The following MTO1 variants were observed in gnomAD, a reference collection of about 807,000 sequenced individuals.
MTO1 encodes the protein 5-taurinomethyluridine-[tRNA] synthase subunit MTO1, mitochondrial.
In MTO1, 46 loss-of-function variants were observed where a neutral mutation model predicts 71.6. That is an observed-to-expected ratio of 0.64 (90% CI 0.51 to 0.82). The LOEUF is 0.82. Among genes scored for constraint, MTO1 ranks in the 40% least tolerant of loss-of-function variants. The pLI, the probability that MTO1 is intolerant of heterozygous loss-of-function variation, is 0.00. For synonymous variants in MTO1, 297 were observed against 312.1 expected, an observed-to-expected ratio of 0.95 and a Z score of 0.51; for missense variants, 773 against 867.5, an observed-to-expected ratio of 0.89 and a Z score of 1.37.
intron 9 of MTO1, among the ~76,000 whole-genome samples, chr6:73,490,469 A>C (rs1006474209): frequency 2.6e-5 from 4 of 152,098 alleles, no homozygotes; most frequent in African/African-American, 7.2e-5. Flanking sequence ...ATTTTTGTAT[A>C]AGGTGTAAGG....
chr6:73,494,479 C>CT (rs757447983), intron 10 of MTO1, among the ~76,000 whole-genome samples: 1,942 of 136,116 alleles, frequency 0.014, 26 homozygotes, highest in African/African-American at 0.033. Context: ...CTTTTTTTTT[C>CT]TTTTTTTTTT....
At chr6:73,495,247 A>C (rs1771951482) in intron 10 of MTO1, among the ~76,000 whole-genome samples, 1 of 152,200 alleles carries the variant, frequency 6.6e-6, no homozygotes, top group Non-Finnish European at 1.5e-5. Flanking sequence ...CAAATTATTA[A>C]ACACTAGCAA....
At chr6:73,480,356 T>C (rs1303155641) in intron 6 of MTO1, 2 of 675,006 alleles carry the variant, frequency 3.0e-6, no homozygotes, top group East Asian at 3.0e-5. Context: ...CACCACAACC[T>C]CCCCCTGCCA....
intron 10 of MTO1, chr6:73,492,877 A>G (rs1447082940): frequency 6.6e-6 from 1 of 151,688 alleles, no homozygotes; most frequent in Non-Finnish European, 1.5e-5. Flanking sequence ...CTGAGAATCT[A>G]TATTTAAACA....
rs1772141724 is a variant in MTO1, at chr6:73,500,848, G to T, written c.*113G>T. 2.1e-6 allele frequency: 2 copies of T among 940,840 alleles called. No homozygotes were observed. Among genetic ancestry groups the T allele is most frequent in the Non-Finnish European group, 1.4e-6 (1 of 699,296 alleles). The allele number at this position is 940,840 out of a possible 1,614,324, so 58.3% of individuals were successfully genotyped here. On this transcript the variant is annotated 3_prime_UTR_variant, in exon 12 of 12. Transcript: ENST00000498286. Reference sequence around the variant, plus strand: ...AAAATAGCTTTATTAGGTTACTATGGGTTTGCCATTAATTTCTGAGTGGGA... The same window carrying T: ...AAAATAGCTTTATTAGGTTACTATGTGTTTGCCATTAATTTCTGAGTGGGA...
At position 73,503,806 on chromosome 6, in the gene MTO1, A is replaced by C. The variant is rs1772221228; in HGVS notation, c.*3071A>C. ...TGAAGATACGAACCTATGCTAAATT[A>C]AACGATTATGGCCTTGAAAATGAAG... On this transcript the variant is annotated 3_prime_UTR_variant, in exon 12 of 12. Coordinates refer to ENST00000498286, the MANE Select transcript of MTO1 (RefSeq NM_012123.4). The C allele has an allele frequency of 6.6e-6, 1 of 152,364 alleles. No homozygotes were observed. Among genetic ancestry groups the C allele is most frequent in the East Asian group, 1.9e-4 (1 of 5,190 alleles). 9.4% of individuals were successfully genotyped at this position (152,364 alleles called of 1,614,324 possible).
At chr6:73,471,000 C>T (rs1243745846) in intron 3 of MTO1, among the ~76,000 whole-genome samples, 1 of 152,076 alleles carries the variant, frequency 6.6e-6, no homozygotes, top group African/African-American at 2.4e-5. Flanking sequence ...GTCCCCTCAA[C>T]CAGCCAGTTT....
chr6:73,473,786 ATT>A (rs112494055), intron 4 of MTO1, 132 bp downstream of exon 4: 32,685 of 445,676 alleles, frequency 0.073, no homozygotes, highest in East Asian at 0.097. Context: ...CAAAGAAATG[ATT>A]TTTTTTTTTT....
chr6:73,482,217 A>G lies in MTO1; in HGVS notation c.1438A>G (p.Asn480Asp), dbSNP rs781741149. ...GTTCCGTTTGTCACTGCGCCCTGAT[A>G]ATGCTGACAGCCGGCTCACACTGCG... ...VEFRLSLRPDNADSRLTLRGY... is the reference protein window; with the variant it reads ...VEFRLSLRPDDADSRLTLRGY... The change falls in exon 8 of 12, where the codon AAT (asparagine) becomes GAT (aspartate). Residue 480 changes from asparagine (N) to aspartate (D), a missense_variant. Coordinates refer to ENST00000498286, the MANE Select transcript of MTO1 (RefSeq NM_012123.4). The G allele has an allele frequency of 6.2e-7, 1 of 1,614,114 alleles. No homozygotes were observed. Among genetic ancestry groups the G allele is most frequent in the Admixed American group, 1.7e-5 (1 of 60,004 alleles).
Position 73,505,346 on chromosome 6 carries a change from A to G in MTO1, c.*4611A>G, listed in dbSNP as rs1213926913. Reference sequence around the variant, plus strand: ...CCTTAAAAAGGAAGGAAATTCATATACATGCTACAGCATGGATAAACCTTG... The same window carrying G: ...CCTTAAAAAGGAAGGAAATTCATATGCATGCTACAGCATGGATAAACCTTG... On this transcript the variant is annotated 3_prime_UTR_variant, in exon 12 of 12. Transcript: ENST00000498286. The G allele has an allele frequency of 6.6e-6, 1 of 152,262 alleles. No homozygotes were observed. Among genetic ancestry groups the G allele is most frequent in the African/African-American group, 2.4e-5 (1 of 41,472 alleles). The allele number at this position is 152,262 out of a possible 1,614,324, so 9.4% of individuals were successfully genotyped here. A position where few individuals can be genotyped will look rare whatever the true frequency, so the allele number is the denominator to read the frequency against.
chr6:73,466,198 ATTATC>A lies in MTO1; in HGVS notation c.218-8_218-4del. The stretch of plus-strand genomic sequence containing the variant: ...TCATATATTTATTTTGTTTATGTCT[ATTATC>A]TTTAGGTCAGATGTCATGTAATCCT... On this transcript the variant is annotated splice_polypyrimidine_tract_variant and splice_region_variant and intron_variant, in intron 1 of 11. Coordinates refer to ENST00000498286, the MANE Select transcript of MTO1 (RefSeq NM_012123.4). The A allele has an allele frequency of 6.2e-7, 1 of 1,604,066 alleles. No homozygotes were observed. Among genetic ancestry groups the A allele is most frequent in the Non-Finnish European group, 8.5e-7 (1 of 1,170,938 alleles).
At chr6:73,466,074 G>A (rs1770975973) in intron 1 of MTO1, 135 bp from the exon 2 acceptor site, 1 of 863,086 alleles carries the variant, frequency 1.2e-6, no homozygotes, top group South Asian at 1.8e-5. Flanking sequence ...GATTTTCTTT[G>A]TAGTATATCT....
Position 73,484,120 on chromosome 6 carries a change from C to A in MTO1, c.1637+1500C>A, listed in dbSNP as rs182901184. ...TGAGGGTTTCCCAAAGCACTAGCACCAGCAATGAAACAGATTTTTAATAAT... is the reference window on the plus strand; with the variant it reads ...TGAGGGTTTCCCAAAGCACTAGCACAAGCAATGAAACAGATTTTTAATAAT... On this transcript the variant is annotated intron_variant, in intron 9 of 11. Coordinates refer to ENST00000498286, the MANE Select transcript of MTO1 (RefSeq NM_012123.4). 1.6e-4 allele frequency among the ~76,000 whole-genome samples: 25 copies of A among 152,108 alleles called. No homozygotes were observed. In the East Asian group the frequency reaches 4.8e-3, roughly 29 times the overall value.
intron 4 of MTO1, among the ~76,000 whole-genome samples, chr6:73,479,405 G>T (rs1034842871): frequency 1.3e-5 from 2 of 152,100 alleles, no homozygotes; most frequent in Non-Finnish European, 2.9e-5. Context: ...TGAGGCAGGA[G>T]AATCGCTTGA....
intron 3 of MTO1, among the ~76,000 whole-genome samples, chr6:73,467,796 T>C (rs147437155): frequency 0.011 from 1,604 of 152,048 alleles, 26 homozygotes; most frequent in African/African-American, 0.036. Flanking sequence ...GTTCTAGACA[T>C]TATCTATTAA....
rs1409787735 is a variant in MTO1 at position 73,466,566 on chromosome 6, T to C, written c.495T>C (p.Pro165=). ...VEDLILTEPE[P]EHTGKCRVSG... ...ATCTTATTCTTACAGAACCAGAGCC[T>C]GAACACACTGGGAAATGCCGTGTCA... is the stretch of plus-strand genomic sequence containing the variant. Residue 165 remains proline (P), a synonymous_variant, in exon 3 of 12, where the codon CCT becomes CCC. Transcript: ENST00000498286. 6.2e-7 allele frequency: 1 copy of C among 1,614,188 alleles called. No homozygotes were observed. The highest frequency in any genetic ancestry group is 1.7e-5 in the Admixed American group (1 of 60,002).
In MTO1 at chr6:73,466,540, G is replaced by T. The variant is rs1238225238; in HGVS notation, c.469G>T (p.Asp157Tyr). Residue 157 changes from aspartate (D) to tyrosine (Y), a missense_variant, in exon 3 of 12, where the codon GAT becomes TAT. Coordinates refer to ENST00000498286, the MANE Select transcript of MTO1 (RefSeq NM_012123.4). ...TACTGTTCAGGAGGGAGCTGTAGAA[G>T]ATCTTATTCTTACAGAACCAGAGCC... ...LLTVQEGAVEDLILTEPEPEH... is the reference protein window; with the variant it reads ...LLTVQEGAVEYLILTEPEPEH... The T allele has an allele frequency of 1.9e-6, 3 of 1,614,140 alleles. No homozygotes were observed. The highest frequency in any genetic ancestry group is 8.5e-7 in the Non-Finnish European group (1 of 1,180,026).
rs80102622 is a variant in MTO1, at chr6:73,466,658, G to A, written c.535+52G>A. On this transcript the variant is annotated intron_variant, in intron 3 of 11. Transcript: ENST00000498286. ...GATAACAGCATATCAAATTCCATGTGAGAAATTTATTTTAGAGCAAAGTGT... is the reference window on the plus strand; with the variant it reads ...GATAACAGCATATCAAATTCCATGTAAGAAATTTATTTTAGAGCAAAGTGT... 0.021 allele frequency: 30,879 copies of A among 1,501,404 alleles called. 386 individuals are homozygous for A. The highest frequency in any genetic ancestry group is 0.025 in the Non-Finnish European group (26,587 of 1,081,050). The allele number at this position is 1,501,404 out of a possible 1,614,324, so 93.0% of individuals were successfully genotyped here.
In MTO1 at chr6:73,475,218, C is replaced by T. The variant is rs370951711; in HGVS notation, c.825+1564C>T. Among the ~76,000 whole-genome samples, 65 of 152,134 alleles carry T rather than the reference C, an allele frequency of 4.3e-4. 1 individual carries two copies. In the South Asian group the frequency reaches 0.013, roughly 31 times the overall value. On this transcript the variant is annotated intron_variant, in intron 4 of 11. Transcript: ENST00000498286. ...GCTCAAGCCATCCGCCCACCTCAGC[C>T]TCTCAAAGTGCTGGGATTACAGGCA...
Sources: allele counts gnomAD v4.1 joint callset (sites outside exome capture counted in the v4.1 genomes callset), GRCh38; gene constraint gnomAD v4.1.1; transcripts MANE v1.5; gene names NCBI Gene and HGNC (gene_info 2026-07-23, HGNC 2026-07-21).